Variants in ANKS6 observed in about 807,000 individuals in gnomAD.
The protein encoded by ANKS6 is ankyrin repeat and SAM domain-containing protein 6.
In ANKS6, 47 loss-of-function variants were observed where a neutral mutation model predicts 77.9. The ratio of observed to expected loss-of-function variants is 0.60; its 90% CI spans 0.48 to 0.77. The LOEUF is 0.77. Among genes scored for constraint, ANKS6 ranks in the 30% least tolerant of loss-of-function variants. ANKS6 has a pLI of 0.00. For missense variants in ANKS6, 1,150 were observed against 1,159.1 expected (o/e 0.99, Z 0.11); for synonymous variants, 488 against 501.7 (o/e 0.97, Z 0.37).
Position 98,751,199 on chromosome 9 carries a change from C to G in ANKS6, c.2327-103G>C. 8 of 919,372 alleles carry G rather than the reference C, an allele frequency of 8.7e-6. No homozygotes were observed. The South Asian group carries it at 1.3e-4, about 15-fold the overall frequency. 57.0% of individuals were successfully genotyped at this position (919,372 alleles called of 1,614,324 possible). A position where few individuals can be genotyped will look rare whatever the true frequency, so the allele number is the denominator to read the frequency against. On this transcript the variant is annotated intron_variant, in intron 12 of 14. Coordinates refer to ENST00000353234, the MANE Select transcript of ANKS6 (RefSeq NM_173551.5). Reference sequence around the variant, plus strand: ...TGGTAATCTTATTTCAAATGAAATTCTATAAGAAACACCAACACAGAAAGC... The same window carrying G: ...TGGTAATCTTATTTCAAATGAAATTGTATAAGAAACACCAACACAGAAAGC...
chr9:98,782,427 C>G, intron 5 of ANKS6, 40 bp downstream of exon 5: 1 of 1,563,324 alleles, frequency 6.4e-7, no homozygotes, highest in Non-Finnish European at 8.8e-7. Context: ...GTCCAAGAAA[C>G]GCTGGGTAGA....
At chr9:98,743,421 G>A (rs1831947289) in intron 14 of ANKS6, among the ~76,000 whole-genome samples, 1 of 152,116 alleles carries the variant, frequency 6.6e-6, no homozygotes, top group East Asian at 1.9e-4. Flanking sequence ...CATTCCTTTA[G>A]TTCTTTAAAC....
Position 98,732,503 on chromosome 9 carries a change from G to A in ANKS6, c.*4016C>T. 6.4e-7 allele frequency: 1 copy of A among 1,550,594 alleles called. No individual in the cohort carries two copies. The highest frequency in any genetic ancestry group is 1.7e-4 in the Middle Eastern group (1 of 5,992). ...TGCCAGCAGAGCCACCTGAGCGGCT[G>A]CTACCTCTTGCCGGAGGCAGTTTCT... On this transcript the variant is annotated 3_prime_UTR_variant, in exon 15 of 15. Coordinates refer to ENST00000353234, the MANE Select transcript of ANKS6 (RefSeq NM_173551.5).
At position 98,784,096 on chromosome 9, in the gene ANKS6, A is replaced by G. The variant is rs768625501; in HGVS notation, c.969T>C (p.Asn323=). The change falls in exon 4 of 15, where the codon AAT becomes AAC. Residue 323 remains asparagine, a synonymous_variant. Transcript: ENST00000353234. Reference sequence around the variant, plus strand: ...GCATCAGTGGCGTCGCCCCGTCCCCATTGACCAAGTTCACGTGGCTGGGGT... The same window carrying G: ...GCATCAGTGGCGTCGCCCCGTCCCCGTTGACCAAGTTCACGTGGCTGGGGT... ...DEDPSHVNLV[N]GDGATPLMLA... 3 of 1,588,866 alleles carry G rather than the reference A, an allele frequency of 1.9e-6. No individual in the cohort carries two copies. Among genetic ancestry groups the G allele is most frequent in the Admixed American group, 3.5e-5 (2 of 56,922 alleles).
In ANKS6 at chr9:98,733,584, T is replaced by C. The variant is rs1831320886; in HGVS notation, c.*2935A>G. 1.0e-6 allele frequency: 1 copy of C among 985,356 alleles called. No homozygotes were observed. Among genetic ancestry groups the C allele is most frequent in the East Asian group, 1.1e-4 (1 of 8,820 alleles). The allele number at this position is 985,356 out of a possible 1,614,324, so 61.0% of individuals were successfully genotyped here. Reference sequence around the variant, plus strand: ...CTGCAAGGCCTCTTGGTTGCCGCTGTTCCAGAAAAAGCGGGGCTTCTCCAA... The same window carrying C: ...CTGCAAGGCCTCTTGGTTGCCGCTGCTCCAGAAAAAGCGGGGCTTCTCCAA... On this transcript the variant is annotated 3_prime_UTR_variant, in exon 15 of 15. Transcript: ENST00000353234.
At position 98,796,238 on chromosome 9, in the gene ANKS6, G is replaced by T; in HGVS notation, c.254C>A (p.Ala85Asp). ...DEAGNTALQF[A>D]AAGGHEPLVR... is the part of the protein sequence containing the mutation. ...CAGCGGTTCGTGGCCCCCGGCCGCG[G>T]CGAACTGCAGTGCGGTGTTGCCCGC... The change falls in exon 1 of 15, where the codon GCC becomes GAC. Residue 85 changes from alanine (A) to aspartate (D), a missense_variant. Coordinates refer to ENST00000353234, the MANE Select transcript of ANKS6 (RefSeq NM_173551.5). 1 of 1,404,526 alleles carries T rather than the reference G, an allele frequency of 7.1e-7. No individual in the cohort carries two copies. Among genetic ancestry groups the T allele is most frequent in the African/African-American group, 1.5e-5 (1 of 67,338 alleles). 87.0% of individuals were successfully genotyped at this position (1,404,526 alleles called of 1,614,324 possible).
chr9:98,789,158 T>G (rs1834746831), intron 2 of ANKS6, among the ~76,000 whole-genome samples: 1 of 152,046 alleles, frequency 6.6e-6, no homozygotes, highest in Non-Finnish European at 1.5e-5. Context: ...TCAGGTCTTT[T>G]TAGCCAATGT....
At chr9:98,765,327 T>C (rs1165787677) in intron 11 of ANKS6, among the ~76,000 whole-genome samples, 3 of 152,234 alleles carry the variant, frequency 2.0e-5, no homozygotes, top group Non-Finnish European at 4.4e-5. Flanking sequence ...GTTCTCAATA[T>C]CCGTTGAGTG....
intron 6 of ANKS6, 112 bp downstream of exon 6, chr9:98,780,077 C>T: frequency 6.9e-7 from 1 of 1,442,854 alleles, no homozygotes; most frequent in South Asian, 1.2e-5. Context: ...ACCTGCCACC[C>T]CTGCAGGGAC....
At chr9:98,739,818 A>T (rs1322280524) in intron 14 of ANKS6, among the ~76,000 whole-genome samples, 1 of 114,358 alleles carries the variant, frequency 8.7e-6, no homozygotes, top group Non-Finnish European at 1.6e-5. Flanking sequence ...GCAGTGGCGC[A>T]ATCTCGGCTC....
At position 98,732,514 on chromosome 9, in the gene ANKS6, C is replaced by T. The variant is rs1831254820; in HGVS notation, c.*4005G>A. The T allele has an allele frequency of 6.4e-7, 1 of 1,550,454 alleles. No homozygotes were observed. ...CCACCTGAGCGGCTGCTACCTCTTG[C>T]CGGAGGCAGTTTCTTCTGGCCTCAC... is the stretch of plus-strand genomic sequence containing the variant. On this transcript the variant is annotated 3_prime_UTR_variant, in exon 15 of 15. Coordinates refer to ENST00000353234, the MANE Select transcript of ANKS6 (RefSeq NM_173551.5).
intron 3 of ANKS6, chr9:98,784,555 G>C (rs1301050640): frequency 1.1e-5 from 5 of 450,098 alleles, no homozygotes; most frequent in Non-Finnish European, 2.0e-5. Flanking sequence ...AAAGAGACTG[G>C]AGTGGGTATG....
intron 11 of ANKS6, among the ~76,000 whole-genome samples, chr9:98,758,703 C>T (rs1024993954): frequency 6.6e-6 from 1 of 152,242 alleles, no homozygotes; most frequent in Non-Finnish European, 1.5e-5. Context: ...TTCAACCCAA[C>T]ATCCACAGAG....
At chr9:98,793,623 C>T (rs1412767896) in intron 1 of ANKS6, among the ~76,000 whole-genome samples, 5 of 151,872 alleles carry the variant, frequency 3.3e-5, no homozygotes, top group South Asian at 4.2e-4. Flanking sequence ...CAGGTTCAAG[C>T]GATTCTCCTG....
intron 5 of ANKS6, among the ~76,000 whole-genome samples, chr9:98,782,030 G>A (rs946229422): frequency 3.9e-5 from 6 of 152,068 alleles, no homozygotes; most frequent in African/African-American, 1.2e-4. Flanking sequence ...CCCAGTACAC[G>A]ACCCTTGACC....
intron 2 of ANKS6, among the ~76,000 whole-genome samples, chr9:98,789,035 CTTTTT>C (rs111230371): frequency 1.5e-5 from 2 of 137,284 alleles, no homozygotes; most frequent in Admixed American, 7.3e-5. Flanking sequence ...TGGTGTATTT[CTTTTT>C]TTTTTTTTTT....
intron 2 of ANKS6, among the ~76,000 whole-genome samples, chr9:98,785,645 A>C (rs1385673131): frequency 6.6e-6 from 1 of 152,134 alleles, no homozygotes; most frequent in Admixed American, 6.5e-5. Flanking sequence ...CCTCATGGCC[A>C]GTCTGCTTGC....
At chr9:98,759,049 TTTTG>T (rs753600656) in intron 11 of ANKS6, among the ~76,000 whole-genome samples, 54 of 152,258 alleles carry the variant, frequency 3.5e-4, no homozygotes, top group Admixed American at 8.5e-4. Flanking sequence ...TCCTGGTTGA[TTTTG>T]TTTTTTTTAA....
rs1834479644 is a variant in ANKS6, at chr9:98,784,887, A to G, written c.863-11T>C. 6.2e-7 allele frequency: 1 copy of G among 1,611,764 alleles called. No individual in the cohort carries two copies. The highest frequency in any genetic ancestry group is 1.1e-5 in the South Asian group (1 of 90,390). ...GCCTTTTCTCCTCATCTGGGTAAAC[A>G]AAGATTTTTAAAGTTAACCACGGAA... is the stretch of plus-strand genomic sequence containing the variant. On this transcript the variant is annotated splice_polypyrimidine_tract_variant and intron_variant, in intron 2 of 14. Transcript: ENST00000353234.
Sources: allele counts gnomAD v4.1 joint callset (sites outside exome capture counted in the v4.1 genomes callset), GRCh38; gene constraint gnomAD v4.1.1; transcripts MANE v1.5; gene names NCBI Gene and HGNC (gene_info 2026-07-23, HGNC 2026-07-21).